Variants in CABCOCO1 observed in about 807,000 individuals in gnomAD.
CABCOCO1 encodes ciliary-associated calcium-binding coiled-coil protein 1.
A neutral mutation model predicts 35.7 loss-of-function variants in CABCOCO1; 28 were observed. The observed-to-expected ratio is 0.78, with a 90% CI of 0.58 to 1.07. The LOEUF (loss-of-function observed/expected upper bound fraction) is 1.07, where lower values mean the gene tolerates loss of function less well. CABCOCO1 is among the 50% of genes least tolerant of loss of function. The pLI, the probability that CABCOCO1 is intolerant of heterozygous loss-of-function variation, is 0.00. For missense variants in CABCOCO1, 326 were observed against 309.2 expected, an observed-to-expected ratio of 1.05 and a Z score of -0.41; for synonymous variants, 95 against 100.1, an observed-to-expected ratio of 0.95 and a Z score of 0.30.
At chr10:61,751,213 CT>C (rs57540074) in intron 5 of CABCOCO1, among the ~76,000 whole-genome samples, 19,469 of 106,418 alleles carry the variant, frequency 0.18, 1,613 homozygotes, top group African/African-American at 0.28. Context: ...TTGCCTTGCT[CT>C]TTTTTTTTTT....
intron 5 of CABCOCO1, among the ~76,000 whole-genome samples, chr10:61,710,659 G>A (rs1840713403): frequency 6.6e-6 from 1 of 151,834 alleles, no homozygotes; most frequent in Admixed American, 6.6e-5. Flanking sequence ...TTTAAAGTAA[G>A]TTTGAAGGCA....
intron 1 of CABCOCO1, among the ~76,000 whole-genome samples, chr10:61,672,429 C>T (rs539854184): frequency 9.2e-5 from 14 of 152,214 alleles, no homozygotes; most frequent in East Asian, 5.8e-4. Context: ...GCCCAAAAGA[C>T]GGATTGACTA....
At chr10:61,674,737 T>C (rs1196779874) in intron 2 of CABCOCO1, among the ~76,000 whole-genome samples, 1 of 152,144 alleles carries the variant, frequency 6.6e-6, no homozygotes, top group African/African-American at 2.4e-5. Context: ...GCCAACAAAA[T>C]GAAACATTAA....
chr10:61,763,188 A>C (rs1355482164), intron 7 of CABCOCO1, among the ~76,000 whole-genome samples: 1 of 152,026 alleles, frequency 6.6e-6, no homozygotes, highest in African/African-American at 2.4e-5. Context: ...AATTTTTGCA[A>C]AAAAAAGGCA....
At chr10:61,704,881 C>T (rs1413718085) in intron 5 of CABCOCO1, among the ~76,000 whole-genome samples, 3 of 149,382 alleles carry the variant, frequency 2.0e-5, no homozygotes, top group South Asian at 2.1e-4. Flanking sequence ...CCTGTTGTTG[C>T]TCTTCAATCT....
chr10:61,713,207 G>C (rs141680353), intron 5 of CABCOCO1, among the ~76,000 whole-genome samples: 6,353 of 152,160 alleles, frequency 0.042, 275 homozygotes, highest in African/African-American at 0.1. Flanking sequence ...AGTTCTCCTT[G>C]AAGAGGTCCT....
chr10:61,711,303 A>G (rs1032972152), intron 5 of CABCOCO1, among the ~76,000 whole-genome samples: 5 of 152,026 alleles, frequency 3.3e-5, no homozygotes, highest in African/African-American at 9.7e-5. Flanking sequence ...AAATATGTAT[A>G]CCACGTTAAC....
intron 5 of CABCOCO1, among the ~76,000 whole-genome samples, chr10:61,744,814 A>G (rs1841622715): frequency 6.6e-6 from 1 of 152,204 alleles, no homozygotes. Context: ...AGGTCTAAGT[A>G]AGAGAATTAA....
chr10:61,751,070 GGAAAGTCC>G (rs1311514609), intron 5 of CABCOCO1, among the ~76,000 whole-genome samples: 8 of 152,068 alleles, frequency 5.3e-5, no homozygotes, highest in Admixed American at 4.6e-4. Flanking sequence ...TGAGCTGGGT[GGAAAGTCC>G]AGGTGGATGA....
At chr10:61,684,259 AC>A (rs1349578572) in intron 3 of CABCOCO1, among the ~76,000 whole-genome samples, 5 of 152,244 alleles carry the variant, frequency 3.3e-5, no homozygotes, top group African/African-American at 1.2e-4. Flanking sequence ...AATTCATTAA[AC>A]CAGATTTTAA....
At chr10:61,705,387 T>C (rs558213904) in intron 5 of CABCOCO1, among the ~76,000 whole-genome samples, 5 of 152,364 alleles carry the variant, frequency 3.3e-5, no homozygotes, top group Non-Finnish European at 7.3e-5. Context: ...AAGGTATTTA[T>C]TGAACAAATG....
chr10:61,700,828 T>A (rs1051709316), intron 5 of CABCOCO1, among the ~76,000 whole-genome samples: 2 of 152,060 alleles, frequency 1.3e-5, no homozygotes, highest in African/African-American at 4.8e-5. Context: ...GTACTTACGA[T>A]GGAAAGTTAT....
At chr10:61,670,519 A>G (rs1839322800) in intron 1 of CABCOCO1, among the ~76,000 whole-genome samples, 1 of 152,208 alleles carries the variant, frequency 6.6e-6, no homozygotes, top group Non-Finnish European at 1.5e-5. Flanking sequence ...TTAAATTACA[A>G]ACATTAAGCC....
At position 61,721,117 on chromosome 10, in the gene CABCOCO1, G is replaced by A. The variant is rs186979435; in HGVS notation, c.552+30496G>A. On this transcript the variant is annotated intron_variant, in intron 5 of 7. Transcript: ENST00000648843. The stretch of plus-strand genomic sequence containing the variant: ...TTTTTTGTATTTTTAGTAGAGACGG[G>A]GTTTCACCGTGTTAGCCAGGATGGT... Among the ~76,000 whole-genome samples, 106 of 151,264 alleles carry A rather than the reference G, an allele frequency of 7.0e-4. 2 individuals carry two copies. In the East Asian group the frequency reaches 0.018, roughly 26 times the overall value.
intron 2 of CABCOCO1, among the ~76,000 whole-genome samples, chr10:61,680,145 T>C (rs1300661453): frequency 6.6e-6 from 1 of 151,252 alleles, no homozygotes; most frequent in Admixed American, 6.6e-5. Context: ...ACCCCGTCTC[T>C]ACTAAAAATA....
chr10:61,706,802 T>C (rs1840603089), intron 5 of CABCOCO1, among the ~76,000 whole-genome samples: 1 of 152,042 alleles, frequency 6.6e-6, no homozygotes, highest in African/African-American at 2.4e-5. Context: ...AATCACTACA[T>C]GTTGGGTGCA....
chr10:61,759,909 A>G lies in CABCOCO1; in HGVS notation c.553-150A>G. 6.3e-6 allele frequency: 6 copies of G among 947,066 alleles called. No homozygotes were observed. The East Asian group carries it at 1.3e-4, about 21-fold the overall frequency. The allele number at this position is 947,066 out of a possible 1,614,324, so 58.7% of individuals were successfully genotyped here. A position where few individuals can be genotyped will look rare whatever the true frequency, so the allele number is the denominator to read the frequency against. On this transcript the variant is annotated intron_variant, in intron 5 of 7. Coordinates refer to ENST00000648843, the MANE Select transcript of CABCOCO1 (RefSeq NM_001366906.2). ...AATGGAGCTCAAAAAGCACTAGAGG[A>G]CAAAAAGGGCAATGGCATCAAAAAT...
chr10:61,750,227 T>C (rs903549338), intron 5 of CABCOCO1, among the ~76,000 whole-genome samples: 10 of 152,314 alleles, frequency 6.6e-5, no homozygotes, highest in African/African-American at 1.2e-4. Flanking sequence ...AGGAACTCTT[T>C]ATGGCTTTAA....
At chr10:61,680,252 C>A (rs138482858) in intron 2 of CABCOCO1, among the ~76,000 whole-genome samples, 1,829 of 148,636 alleles carry the variant, frequency 0.012, 21 homozygotes, top group Middle Eastern at 0.035. Context: ...GCAGCGGTTG[C>A]AGTGAGCCAA....
Sources: gnomAD v4.1 joint callset for allele counts (sites outside exome capture counted in the v4.1 genomes callset) on GRCh38, gnomAD v4.1.1 for gene constraint, MANE v1.5 for transcripts, NCBI Gene and HGNC (gene_info 2026-07-23, HGNC 2026-07-21) for gene names.